Variants in APBB2 observed in about 807,000 individuals in gnomAD.
The protein encoded by APBB2 is amyloid beta precursor protein binding family B member 2.
APBB2 carries 38 observed loss-of-function variants against 82.5 expected under a neutral mutation model. The observed-to-expected ratio is 0.46, with a 90% confidence interval of 0.36 to 0.60. APBB2 has a LOEUF of 0.60. APBB2 is among the 20% of genes least tolerant of loss of function. The pLI is 0.00. For missense variants in APBB2, 772 were observed against 972.3 expected (o/e 0.79, Z 2.74); for synonymous variants, 341 against 368.2 (o/e 0.93, Z 0.85).
chr4:40,923,977 G>A (rs901679151), intron 10 of APBB2, among the ~76,000 whole-genome samples: 1 of 152,222 alleles, frequency 6.6e-6, no homozygotes, highest in African/African-American at 2.4e-5. Context: ...CGGGATAGGA[G>A]GCAAAATGAG....
intron 1 of APBB2, among the ~76,000 whole-genome samples, chr4:41,198,753 C>T (rs1415263326): frequency 6.6e-6 from 1 of 152,224 alleles, no homozygotes; most frequent in African/African-American, 2.4e-5. Flanking sequence ...AAGGTGTTGG[C>T]AGAGCCATGA....
intron 2 of APBB2, among the ~76,000 whole-genome samples, chr4:41,126,499 T>C (rs1234608179): frequency 6.6e-6 from 1 of 152,228 alleles, no homozygotes; most frequent in African/African-American, 2.4e-5. Flanking sequence ...AACATCCATC[T>C]TGGGATACCC....
At chr4:41,096,561 T>G (rs1005657764) in intron 3 of APBB2, among the ~76,000 whole-genome samples, 1 of 152,232 alleles carries the variant, frequency 6.6e-6, no homozygotes, top group Non-Finnish European at 1.5e-5. Flanking sequence ...CACACACACA[T>G]CCATGTTTTC....
chr4:41,204,560 A>G (rs13136573), intron 1 of APBB2, among the ~76,000 whole-genome samples: 12,157 of 152,262 alleles, frequency 0.08, 693 homozygotes, highest in Non-Finnish European at 0.12. Context: ...CCCAAGCAGG[A>G]TAAGTGCTCG....
chr4:41,106,010 T>C (rs150497647), intron 2 of APBB2, among the ~76,000 whole-genome samples: 28 of 152,258 alleles, frequency 1.8e-4, no homozygotes, highest in African/African-American at 6.5e-4. Flanking sequence ...TGCTGAGATA[T>C]ACATTCACAT....
intron 4 of APBB2, among the ~76,000 whole-genome samples, chr4:41,034,913 C>T (rs62413762): frequency 0.046 from 6,974 of 152,166 alleles, 340 homozygotes; most frequent in African/African-American, 0.12. Context: ...AGAATGATAA[C>T]ATGTTATATT....
chr4:41,195,804 C>T, intron 1 of APBB2, among the ~76,000 whole-genome samples: 12 of 152,146 alleles, frequency 7.9e-5, no homozygotes, highest in Admixed American at 2.6e-4. Context: ...AATACCCCTT[C>T]CCGCCATATG....
intron 12 of APBB2, among the ~76,000 whole-genome samples, chr4:40,845,194 T>C (rs1757110226): frequency 6.6e-6 from 1 of 152,148 alleles, no homozygotes; most frequent in African/African-American, 2.4e-5. Flanking sequence ...CAGAGTGATA[T>C]TTGAAATGTC....
At chr4:40,962,916 T>C (rs1793673335) in intron 6 of APBB2, among the ~76,000 whole-genome samples, 1 of 152,226 alleles carries the variant, frequency 6.6e-6, no homozygotes, top group Non-Finnish European at 1.5e-5. Context: ...TTCCAGCCAG[T>C]AGCTAAAATT....
At chr4:40,850,009 C>T (rs1490175632) in intron 12 of APBB2, among the ~76,000 whole-genome samples, 1 of 152,210 alleles carries the variant, frequency 6.6e-6, no homozygotes, top group African/African-American at 2.4e-5. Flanking sequence ...CAGGCGTGAG[C>T]CACCGTGCCC....
intron 1 of APBB2, among the ~76,000 whole-genome samples, chr4:41,196,012 T>C: frequency 1.2e-4 from 18 of 146,132 alleles, no homozygotes; most frequent in Admixed American, 4.0e-4. Flanking sequence ...TACAAAAAAT[T>C]AGCTGGGTGT....
chr4:41,021,729 G>A (rs1711602506), intron 5 of APBB2, among the ~76,000 whole-genome samples: 1 of 152,076 alleles, frequency 6.6e-6, no homozygotes, highest in African/African-American at 2.4e-5. Flanking sequence ...AACTCGCTTG[G>A]GTCCCCTTCC....
At chr4:40,933,627 G>A (rs1395321739) in intron 10 of APBB2, among the ~76,000 whole-genome samples, 7 of 152,128 alleles carry the variant, frequency 4.6e-5, no homozygotes, top group African/African-American at 1.4e-4. Flanking sequence ...TGTCTCTTCC[G>A]CGGTAGAGGG....
At chr4:41,053,611 T>C (rs1579601117) in intron 4 of APBB2, among the ~76,000 whole-genome samples, 1 of 102,380 alleles carries the variant, frequency 9.8e-6, no homozygotes, top group African/African-American at 3.1e-5. Flanking sequence ...AATCAGACTA[T>C]TTATGCTATT....
rs1160497619 is a variant in APBB2 at position 40,812,855 on chromosome 4, A to G, written c.*3237T>C. On this transcript the variant is annotated 3_prime_UTR_variant, in exon 18 of 18. Coordinates refer to ENST00000508593, the MANE Select transcript of APBB2 (RefSeq NM_004307.2). ...CAACAAGACAGATGAACAAAAAACA[A>G]TGGTCCTAATTAGCTATGAGTGATC... is the stretch of plus-strand genomic sequence containing the variant. The G allele has an allele frequency of 6.6e-6, 1 of 152,256 alleles. No individual in the cohort carries two copies. Among genetic ancestry groups the G allele is most frequent in the Non-Finnish European group, 1.5e-5 (1 of 68,050 alleles). The allele number at this position is 152,256 out of a possible 1,614,324, so 9.4% of individuals were successfully genotyped here.
chr4:40,831,380 G>T (rs1200413012), intron 12 of APBB2, among the ~76,000 whole-genome samples: 2 of 151,572 alleles, frequency 1.3e-5, no homozygotes, highest in Admixed American at 1.3e-4. Context: ...CCAGCCTGGG[G>T]GACAAGGGTG....
At chr4:40,905,655 T>C (rs966203016) in intron 10 of APBB2, among the ~76,000 whole-genome samples, 5 of 152,078 alleles carry the variant, frequency 3.3e-5, no homozygotes, top group African/African-American at 1.2e-4. Flanking sequence ...GCAATCATTG[T>C]GAGATTTATA....
intron 5 of APBB2, among the ~76,000 whole-genome samples, chr4:41,027,382 TATATATATATATATATATATA>T (rs1714811098): frequency 1.8e-5 from 1 of 55,716 alleles, no homozygotes; most frequent in South Asian, 6.5e-4. Flanking sequence ...TATATATATA[TATATATATATATATATATATA>T]TAACATTTTC....
chr4:40,930,463 G>A (rs1030111592), intron 10 of APBB2, among the ~76,000 whole-genome samples: 6 of 134,692 alleles, frequency 4.5e-5, no homozygotes, highest in African/African-American at 1.4e-4. Flanking sequence ...GCGCGCGCGC[G>A]CGCGTGCGCG....
Sources: allele counts gnomAD v4.1 joint callset (sites outside exome capture counted in the v4.1 genomes callset), GRCh38; gene constraint gnomAD v4.1.1; transcripts MANE v1.5; gene names NCBI Gene and HGNC (gene_info 2026-07-23, HGNC 2026-07-21).